ODAD2: variants seen among roughly 807,000 people sequenced by gnomAD.
ODAD2 encodes outer dynein arm-docking complex subunit 2.
A neutral mutation model predicts 106.8 loss-of-function variants in ODAD2; 89 were observed. The observed-to-expected ratio is 0.83, with a 90% CI of 0.70 to 0.99. ODAD2 has a LOEUF of 0.99. Among genes scored for constraint, ODAD2 ranks in the 50% least tolerant of loss-of-function variants. The pLI is 0.00. For missense variants in ODAD2, 1,168 were observed against 1,238.5 expected, an observed-to-expected ratio of 0.94 and a Z score of 0.85; for synonymous variants, 404 against 436.2, an observed-to-expected ratio of 0.93 and a Z score of 0.92.
At chr10:27,947,867 G>A (rs1171779985) in intron 10 of ODAD2, among the ~76,000 whole-genome samples, 1 of 152,176 alleles carries the variant, frequency 6.6e-6, no homozygotes, top group African/African-American at 2.4e-5. Flanking sequence ...CGCTCGTGCT[G>A]AGGACTTGCT....
At chr10:27,824,488 T>C (rs980782464) in intron 19 of ODAD2, among the ~76,000 whole-genome samples, 15 of 152,228 alleles carry the variant, frequency 9.9e-5, no homozygotes, top group African/African-American at 3.6e-4. Context: ...CCTTGACAGA[T>C]GCTGGTGCCA....
At chr10:27,946,605 A>C (rs1846946625) in intron 10 of ODAD2, among the ~76,000 whole-genome samples, 1 of 152,172 alleles carries the variant, frequency 6.6e-6, no homozygotes, top group African/African-American at 2.4e-5. Context: ...ACTGTACTAC[A>C]ATAGGGAACT....
chr10:27,997,958 T>A (rs546736014), intron 1 of ODAD2, among the ~76,000 whole-genome samples: 1 of 152,328 alleles, frequency 6.6e-6, no homozygotes, highest in Admixed American at 6.5e-5. Context: ...CTGGGATGTT[T>A]ACATAAACTG....
intron 2 of ODAD2, among the ~76,000 whole-genome samples, chr10:27,993,519 G>A (rs1279911183): frequency 1.3e-5 from 2 of 151,890 alleles, no homozygotes; most frequent in Non-Finnish European, 2.9e-5. Flanking sequence ...GCGTGGTGGC[G>A]GATGCCTATA....
intron 19 of ODAD2, among the ~76,000 whole-genome samples, chr10:27,839,694 C>A (rs1400995511): frequency 6.6e-6 from 1 of 152,180 alleles, no homozygotes; most frequent in Admixed American, 6.5e-5. Flanking sequence ...TGGGAGCCAA[C>A]AGCGACAGAT....
At chr10:27,832,959 T>C (rs779792803) in intron 19 of ODAD2, among the ~76,000 whole-genome samples, 11 of 152,208 alleles carry the variant, frequency 7.2e-5, no homozygotes, top group Non-Finnish European at 1.3e-4. Context: ...GAAGGATATA[T>C]GAGGAAAGCA....
chr10:27,869,070 A>T (rs979538169), intron 17 of ODAD2, among the ~76,000 whole-genome samples: 3 of 152,008 alleles, frequency 2.0e-5, no homozygotes, highest in African/African-American at 7.2e-5. Flanking sequence ...TGATTAATTT[A>T]AAAAAGCAAC....
At chr10:27,921,364 G>A (rs1311760380) in intron 16 of ODAD2, among the ~76,000 whole-genome samples, 3 of 151,560 alleles carry the variant, frequency 2.0e-5, no homozygotes, top group African/African-American at 4.8e-5. Flanking sequence ...ACTTACTCAT[G>A]TTGAAAGCTA....
chr10:27,988,193 G>T (rs1849997538), intron 2 of ODAD2, among the ~76,000 whole-genome samples: 1 of 151,520 alleles, frequency 6.6e-6, no homozygotes, highest in Admixed American at 6.6e-5. Flanking sequence ...TTTCAGGTTG[G>T]CCTTTAAAAA....
chr10:27,854,841 A>G lies in ODAD2; in HGVS notation c.3021+5784T>C, dbSNP rs149928087. 1.7e-3 allele frequency among the ~76,000 whole-genome samples: 252 copies of G among 152,310 alleles called. 1 individual carries two copies. The highest frequency in any genetic ancestry group is 5.5e-3 in the African/African-American group (227 of 41,566). On this transcript the variant is annotated intron_variant, in intron 19 of 19. Transcript: ENST00000305242. ...ACGGACTACCACTCAGAGATAAAAG[A>G]GTTGATTGAGCCACATAAGAATGTG...
At chr10:27,854,290 G>C (rs967952194) in intron 19 of ODAD2, among the ~76,000 whole-genome samples, 1 of 152,044 alleles carries the variant, frequency 6.6e-6, no homozygotes, top group Non-Finnish European at 1.5e-5. Flanking sequence ...TTTGGAAAAC[G>C]ATCTGGCAAT....
At chr10:27,936,613 T>C (rs1474446361) in intron 15 of ODAD2, 113 bp downstream of exon 15, 9 of 1,205,096 alleles carry the variant, frequency 7.5e-6, no homozygotes, top group Non-Finnish European at 1.1e-5. Context: ...TCATCCAGAA[T>C]GTACATCTAC....
chr10:27,985,873 C>T (rs1849845934), intron 3 of ODAD2, among the ~76,000 whole-genome samples: 1 of 151,420 alleles, frequency 6.6e-6, no homozygotes. Context: ...GAAAGTTGAA[C>T]CTAGAGATGT....
chr10:27,910,061 A>G (rs573973802), intron 16 of ODAD2, among the ~76,000 whole-genome samples: 1 of 151,946 alleles, frequency 6.6e-6, no homozygotes, highest in Non-Finnish European at 1.5e-5. Context: ...TAGCACCCAA[A>G]TCCCAGTCTT....
chr10:27,836,080 C>A, intron 19 of ODAD2: 1 of 153,346 alleles, frequency 6.5e-6, no homozygotes, highest in South Asian at 1.8e-4. Context: ...GTCTTGCTGT[C>A]TCAGGGGTGG....
At chr10:27,940,238 G>GAT (rs572924819) in intron 13 of ODAD2, among the ~76,000 whole-genome samples, 3 of 129,738 alleles carry the variant, frequency 2.3e-5, no homozygotes, top group East Asian at 4.4e-4. Context: ...ATATATGTGT[G>GAT]ATATATATAT....
intron 10 of ODAD2, among the ~76,000 whole-genome samples, chr10:27,959,226 GGGGA>G: frequency 1.1e-5 from 1 of 91,946 alleles, no homozygotes; most frequent in Non-Finnish European, 2.3e-5. Context: ...GGGGAGGGGA[GGGGA>G]GGCGAGGAGG....
At chr10:27,816,417 CCAG>C (rs1836140667) in intron 19 of ODAD2, among the ~76,000 whole-genome samples, 1 of 152,060 alleles carries the variant, frequency 6.6e-6, no homozygotes, top group Admixed American at 6.6e-5. Context: ...TTCCTTTTCT[CCAG>C]CATCGTTCAA....
chr10:27,844,937 A>C (rs1838609983), intron 19 of ODAD2, among the ~76,000 whole-genome samples: 1 of 152,208 alleles, frequency 6.6e-6, no homozygotes, highest in South Asian at 2.1e-4. Context: ...TGGATGAAGA[A>C]GACAAGCAGT....
Sources: allele counts gnomAD v4.1 joint callset (sites outside exome capture counted in the v4.1 genomes callset), GRCh38; gene constraint gnomAD v4.1.1; transcripts MANE v1.5; gene names NCBI Gene and HGNC (gene_info 2026-07-23, HGNC 2026-07-21).